The following F8 variants were observed in gnomAD, a reference collection of about 807,000 sequenced individuals.
The protein encoded by F8 is antihemophilic factor.
In F8, 12 loss-of-function variants were observed where a neutral mutation model predicts 140.6. The observed-to-expected ratio is 0.09, with a 90% CI of 0.05 to 0.14. The LOEUF is 0.14. Ranked by LOEUF, F8 falls within the 10% of genes least tolerant of loss-of-function variation. The pLI is 1.00. For missense variants in F8, 1,354 were observed against 1,720.7 expected (o/e 0.79, Z 3.77); for synonymous variants, 585 against 614.6 (o/e 0.95, Z 0.71).
At chrX:155,009,665 G>A (rs1557286399) in intron 1 of F8, among the ~76,000 whole-genome samples, 1 of 110,663 alleles carries the variant, frequency 9.0e-6, no homozygotes, top group African/African-American at 3.3e-5. Context: ...AACACGGGAG[G>A]CAGAGGTTGC....
At chrX:154,871,851 G>GA (rs781829278) in intron 22 of F8, among the ~76,000 whole-genome samples, 13 of 111,450 alleles carry the variant, frequency 1.2e-4, no homozygotes, top group Non-Finnish European at 2.5e-4. Flanking sequence ...AAATTTACAA[G>GA]AAAAAAACAA....
At chrX:155,007,755 C>T (rs183887936) in intron 1 of F8, among the ~76,000 whole-genome samples, 185 of 112,194 alleles carry the variant, frequency 1.6e-3, no homozygotes, top group African/African-American at 5.7e-3. Flanking sequence ...TGATCTGAGG[C>T]GGACAGTTTC....
At chrX:154,847,636 A>T (rs2072579042) in intron 25 of F8, among the ~76,000 whole-genome samples, 1 of 111,846 alleles carries the variant, frequency 8.9e-6, no homozygotes, top group South Asian at 3.7e-4. Context: ...CAGCTCCATC[A>T]GGTCATTTAA....
chrX:154,969,394 G>C lies in F8; in HGVS notation c.946C>G (p.Gln316Glu). The change falls in exon 7 of 26, where the codon CAA becomes GAA. Residue 316 changes from glutamine to glutamate, a missense_variant. Transcript: ENST00000360256. ...EISPITFLTA[Q>E]TLLMDLGQFL... ...TGTCCAAGGTCCATCAAGAGTGTTT[G>C]AGCAGTAAGGAAAGTTATTGGCGAG... 3 of 1,211,752 alleles carry C rather than the reference G, an allele frequency of 2.5e-6. No individual in the cohort carries two copies. Among genetic ancestry groups the C allele is most frequent in the Non-Finnish European group, 3.4e-6 (3 of 895,380 alleles).
At chrX:154,852,190 T>C (rs5986890) in intron 25 of F8, among the ~76,000 whole-genome samples, 1,378 of 111,074 alleles carry the variant, frequency 0.012, 23 homozygotes, top group African/African-American at 0.043. Flanking sequence ...CTATCCCAGC[T>C]TCCCTAGTAG....
intron 1 of F8, among the ~76,000 whole-genome samples, chrX:155,007,270 ACT>A (rs1557286132): frequency 1.8e-5 from 2 of 112,658 alleles, no homozygotes; most frequent in African/African-American, 6.5e-5. Context: ...TATAAAAATG[ACT>A]CTGGCAATTC....
intron 25 of F8, among the ~76,000 whole-genome samples, chrX:154,845,999 T>C (rs1557271726): frequency 8.9e-6 from 1 of 112,415 alleles, no homozygotes; most frequent in Non-Finnish European, 1.9e-5. Flanking sequence ...TGTGTCTTTG[T>C]TCTCATTGGT....
intron 13 of F8, among the ~76,000 whole-genome samples, chrX:154,936,914 G>A (rs61581679): frequency 0.029 from 3,231 of 111,263 alleles, 104 homozygotes; most frequent in African/African-American, 0.098. Context: ...ATCAGCAACA[G>A]AGAGAGAGCC....
chrX:155,004,610 C>T lies in F8; in HGVS notation c.144-5010G>A, dbSNP rs187199291. On this transcript the variant is annotated intron_variant, in intron 1 of 25. Coordinates refer to ENST00000360256, the MANE Select transcript of F8 (RefSeq NM_000132.4). ...ACTGATGTTGTTAATGTTCAACTTG[C>T]CAGTAACAGAGACCAAAGCTAAGGC... 2.6e-4 allele frequency among the ~76,000 whole-genome samples: 29 copies of T among 112,200 alleles called. No homozygotes were observed. The East Asian group carries it at 8.1e-3, about 31-fold the overall frequency.
chrX:155,014,302 A>G (rs2073723749), intron 1 of F8, among the ~76,000 whole-genome samples: 2 of 112,363 alleles, frequency 1.8e-5, no homozygotes, highest in South Asian at 7.5e-4. Context: ...AAGGGCATCT[A>G]TGAAAAAATT....
intron 25 of F8, among the ~76,000 whole-genome samples, chrX:154,844,736 A>C (rs1398748681): frequency 9.0e-6 from 1 of 111,725 alleles, no homozygotes; most frequent in African/African-American, 3.3e-5. Context: ...GTCGTCTGCG[A>C]ACAGGGACAA....
intron 13 of F8, among the ~76,000 whole-genome samples, chrX:154,940,360 T>A (rs1256652765): frequency 8.9e-6 from 1 of 111,903 alleles, no homozygotes; most frequent in Non-Finnish European, 1.9e-5. Context: ...GAGAACTATG[T>A]GATGAATGCA....
rs200274569 is a variant in F8 at position 154,928,812 on chromosome X, G to T, written c.4978C>A (p.Pro1660Thr). ...TCCCGTTGATGGCGTTTCAAGACTG[G>T]TGGGTTTTGAGAGCACAGCCTTTCA... The part of the protein sequence containing the change: ...RTERLCSQNP[P>T]VLKRHQREIT... Residue 1660 changes from proline (P) to threonine (T), a missense_variant, in exon 14 of 26, where the codon CCA (proline) becomes ACA (threonine). Physicochemically the swap from Pro to Thr is conservative, Grantham distance 38. This residue lies in a region of F8 where 658 missense variants were observed against 666.5 expected (regional missense o/e 0.99). Transcript: ENST00000360256. 1.4e-5 allele frequency: 17 copies of T among 1,209,836 alleles called. No individual in the cohort carries two copies. In the South Asian group the frequency reaches 3.0e-4, roughly 21 times the overall value.
At chrX:154,962,029 C>T (rs1557281620) in intron 9 of F8, among the ~76,000 whole-genome samples, 2 of 111,873 alleles carry the variant, frequency 1.8e-5, no homozygotes, top group Non-Finnish European at 3.8e-5. Context: ...GTTAAGTCTC[C>T]ACCCCAAAGT....
chrX:155,016,927 C>T (rs1230717062), intron 1 of F8, among the ~76,000 whole-genome samples: 8 of 112,579 alleles, frequency 7.1e-5, no homozygotes, highest in African/African-American at 2.6e-4. Context: ...ATCACCTTTG[C>T]TCCTTGGTGT....
chrX:154,964,458 A>G (rs1025185578), intron 9 of F8, among the ~76,000 whole-genome samples: 2 of 112,239 alleles, frequency 1.8e-5, no homozygotes, highest in African/African-American at 6.5e-5. Flanking sequence ...ACAATGAAAG[A>G]AGATGTCATA....
chrX:154,904,739 T>A (rs2073028885), intron 16 of F8, 72 bp downstream of exon 16: 3 of 951,158 alleles, frequency 3.2e-6, no homozygotes, highest in Non-Finnish European at 4.5e-6. Flanking sequence ...AGGATAAATA[T>A]CAAAATTCTT....
chrX:154,908,696 GTA>G (rs1357543292), intron 14 of F8, among the ~76,000 whole-genome samples: 3 of 111,356 alleles, frequency 2.7e-5, no homozygotes, highest in Non-Finnish European at 5.7e-5. Context: ...GTACTTGTTA[GTA>G]TTCTATTCCA....
chrX:154,865,349 T>C (rs1217940442), intron 22 of F8, among the ~76,000 whole-genome samples: 1 of 103,341 alleles, frequency 9.7e-6, no homozygotes, highest in African/African-American at 3.5e-5. Context: ...CAAGTTGAAA[T>C]AAAAAAAAAA....
Sources: allele counts gnomAD v4.1 joint callset (sites outside exome capture counted in the v4.1 genomes callset), GRCh38; gene constraint gnomAD v4.1.1; regional missense constraint gnomAD v4.1.1; transcripts MANE v1.5; gene names NCBI Gene and HGNC (gene_info 2026-07-23, HGNC 2026-07-21).